KCTD8: variants seen among roughly 807,000 people sequenced by gnomAD.
KCTD8 encodes BTB/POZ domain-containing protein KCTD8.
In KCTD8, 27 loss-of-function variants were observed where a neutral mutation model predicts 31.5. The observed-to-expected ratio is 0.86, with a 90% CI of 0.63 to 1.18. KCTD8 has a LOEUF of 1.18. Among genes scored for constraint, KCTD8 ranks in the 50% most tolerant of loss-of-function variants. The pLI, the probability that KCTD8 is intolerant of heterozygous loss-of-function variation, is 0.00. For synonymous variants in KCTD8, 290 were observed against 280.0 expected (o/e 1.04, Z -0.36); for missense variants, 658 against 647.7 (o/e 1.02, Z -0.17).
chr4:44,260,670 T>C (rs1716134980), intron 1 of KCTD8, among the ~76,000 whole-genome samples: 1 of 151,908 alleles, frequency 6.6e-6, no homozygotes, highest in South Asian at 2.1e-4. Flanking sequence ...TCATCACGTT[T>C]AGAATTTTCA....
At chr4:44,395,430 G>A (rs1329067289) in intron 1 of KCTD8, among the ~76,000 whole-genome samples, 1 of 152,056 alleles carries the variant, frequency 6.6e-6, no homozygotes, top group Non-Finnish European at 1.5e-5. Flanking sequence ...TTTGACTTAG[G>A]TTTCACCTAG....
Position 44,174,919 on chromosome 4 carries a change from A to G in KCTD8, c.1293T>C (p.Cys431=). 1 of 1,614,000 alleles carries G rather than the reference A, an allele frequency of 6.2e-7. No homozygotes were observed. Among genetic ancestry groups the G allele is most frequent in the Non-Finnish European group, 8.5e-7 (1 of 1,179,970 alleles). Residue 431 remains cysteine (C), a synonymous_variant, in exon 2 of 2, where the codon TGT becomes TGC. Coordinates refer to ENST00000360029, the MANE Select transcript of KCTD8 (RefSeq NM_198353.3). ...RETNLSKKKV[C]EKLSVEEEMK... is the part of the protein sequence containing the mutation. ...TTTCTTCTTCCACACTTAGCTTCTC[A>G]CAGACTTTCTTTTTGGACAGATTTG...
At chr4:44,337,311 TA>T (rs1249934123) in intron 1 of KCTD8, among the ~76,000 whole-genome samples, 11 of 152,124 alleles carry the variant, frequency 7.2e-5, no homozygotes, top group Admixed American at 6.5e-4. Context: ...TTATTTCAAT[TA>T]AAAAATTACG....
chr4:44,406,969 G>A (rs1228812995), intron 1 of KCTD8, among the ~76,000 whole-genome samples: 1 of 152,172 alleles, frequency 6.6e-6, no homozygotes, highest in Non-Finnish European at 1.5e-5. Flanking sequence ...AATGCATATA[G>A]ATCACTAATT....
intron 1 of KCTD8, among the ~76,000 whole-genome samples, chr4:44,363,079 T>C (rs941640839): frequency 6.6e-6 from 1 of 152,084 alleles, no homozygotes; most frequent in Non-Finnish European, 1.5e-5. Flanking sequence ...ATGTGCAAGA[T>C]GGTAATTTAA....
intron 1 of KCTD8, among the ~76,000 whole-genome samples, chr4:44,265,805 G>A (rs533835527): frequency 1.3e-5 from 2 of 152,288 alleles, no homozygotes; most frequent in South Asian, 4.1e-4. Flanking sequence ...CATGGAAGAT[G>A]AAATGAATGA....
chr4:44,202,301 T>G (rs1031402166), intron 1 of KCTD8, among the ~76,000 whole-genome samples: 6 of 152,038 alleles, frequency 3.9e-5, no homozygotes, highest in Non-Finnish European at 7.4e-5. Flanking sequence ...GATAATAAAT[T>G]GTTCTAACAA....
chr4:44,357,905 A>T (rs113330557), intron 1 of KCTD8, among the ~76,000 whole-genome samples: 14,694 of 151,218 alleles, frequency 0.097, 773 homozygotes, highest in African/African-American at 0.13. Context: ...TTATTATTAT[A>T]ATTATTATTA....
intron 1 of KCTD8, among the ~76,000 whole-genome samples, chr4:44,373,193 T>C (rs60647121): frequency 0.094 from 14,232 of 151,940 alleles, 1,190 homozygotes; most frequent in African/African-American, 0.2. Flanking sequence ...TGAAACTGTC[T>C]CTACTAAAAA....
At chr4:44,225,023 C>G (rs1294765717) in intron 1 of KCTD8, among the ~76,000 whole-genome samples, 1 of 152,100 alleles carries the variant, frequency 6.6e-6, no homozygotes, top group East Asian at 1.9e-4. Flanking sequence ...AAATATGATC[C>G]CTGTATAAGC....
chr4:44,356,641 T>C (rs978003270), intron 1 of KCTD8, among the ~76,000 whole-genome samples: 9 of 152,032 alleles, frequency 5.9e-5, no homozygotes, highest in African/African-American at 2.2e-4. Context: ...GGCTAATTGT[T>C]TGTATTTTTG....
At chr4:44,428,781 G>A (rs1050644045) in intron 1 of KCTD8, among the ~76,000 whole-genome samples, 5 of 151,766 alleles carry the variant, frequency 3.3e-5, no homozygotes, top group South Asian at 2.1e-4. Context: ...GCACAGAATG[G>A]TCACTTAAAG....
intron 1 of KCTD8, among the ~76,000 whole-genome samples, chr4:44,381,234 A>T (rs6447331): frequency 0.82 from 125,198 of 151,942 alleles, 51,774 homozygotes; most frequent in South Asian, 0.88. Context: ...TCTAAAATAT[A>T]TTCCTATTTT....
At chr4:44,381,337 G>A (rs1331550442) in intron 1 of KCTD8, among the ~76,000 whole-genome samples, 1 of 151,926 alleles carries the variant, frequency 6.6e-6, no homozygotes, top group Non-Finnish European at 1.5e-5. Context: ...AAAGTCACTC[G>A]TATATCTACA....
intron 1 of KCTD8, among the ~76,000 whole-genome samples, chr4:44,344,647 G>C (rs1304773629): frequency 1.3e-5 from 2 of 152,140 alleles, no homozygotes; most frequent in African/African-American, 4.8e-5. Flanking sequence ...AGTTACAGTA[G>C]TGCTACAGTA....
At chr4:44,340,429 G>A (rs867395443) in intron 1 of KCTD8, among the ~76,000 whole-genome samples, 5 of 151,126 alleles carry the variant, frequency 3.3e-5, no homozygotes, top group African/African-American at 1.2e-4. Context: ...CTCCCGAGTA[G>A]CTGGGACTAC....
chr4:44,275,578 C>T (rs1716729167), intron 1 of KCTD8, among the ~76,000 whole-genome samples: 1 of 152,004 alleles, frequency 6.6e-6, no homozygotes, highest in Non-Finnish European at 1.5e-5. Context: ...CATATCTAAA[C>T]TAGAAGAAGT....
At chr4:44,330,373 G>A (rs1194852709) in intron 1 of KCTD8, among the ~76,000 whole-genome samples, 3 of 151,720 alleles carry the variant, frequency 2.0e-5, no homozygotes, top group Non-Finnish European at 2.9e-5. Flanking sequence ...GTTCTGCTGA[G>A]CCCAAATTTC....
rs141927887 is a variant in KCTD8, at chr4:44,352,160, A to G, written c.961+95403T>C. On this transcript the variant is annotated intron_variant, in intron 1 of 1. Coordinates refer to ENST00000360029, the MANE Select transcript of KCTD8 (RefSeq NM_198353.3). ...AAAATGATTCCAGTTTACCTAAATG[A>G]AAGTCTTATTAGCCATATGGGCCAG... Among the ~76,000 whole-genome samples the G allele has an allele frequency of 5.3e-5, 8 of 152,156 alleles. No homozygotes were observed. The East Asian group carries it at 1.6e-3, about 29-fold the overall frequency.
Sources: allele counts gnomAD v4.1 joint callset (sites outside exome capture counted in the v4.1 genomes callset), GRCh38; gene constraint gnomAD v4.1.1; transcripts MANE v1.5; gene names NCBI Gene and HGNC (gene_info 2026-07-23, HGNC 2026-07-21).